The following LAMA2 variants were observed in gnomAD, a reference collection of about 807,000 sequenced individuals.
The protein encoded by LAMA2 is laminin subunit alpha-2.
A neutral mutation model predicts 364.8 loss-of-function variants in LAMA2; 269 were observed. The ratio of observed to expected loss-of-function variants is 0.74; its 90% confidence interval spans 0.67 to 0.82. LAMA2 has a LOEUF of 0.82. LAMA2 is among the 40% of genes least tolerant of loss of function. LAMA2 has a pLI of 0.00. For missense variants in LAMA2, 3,807 were observed against 3,873.2 expected, an observed-to-expected ratio of 0.98 and a Z score of 0.45; for synonymous variants, 1,379 against 1,370.6, an observed-to-expected ratio of 1.01 and a Z score of -0.14.
At chr6:129,031,059 T>A (rs1470704162) in intron 1 of LAMA2, among the ~76,000 whole-genome samples, 2 of 152,174 alleles carry the variant, frequency 1.3e-5, no homozygotes, top group East Asian at 3.8e-4. Flanking sequence ...AAATGCTGAC[T>A]TTTTACTTGA....
intron 1 of LAMA2, among the ~76,000 whole-genome samples, chr6:129,048,540 C>CCTTCCTTCCTTCCTTT (rs1562188047): frequency 4.1e-4 from 22 of 53,980 alleles, no homozygotes; most frequent in African/African-American, 9.5e-4. Context: ...TTCCTTCCTT[C>CCTTCCTTCCTTCCTTT]CTTTCTTTCT....
chr6:129,464,789 G>A (rs376237067), intron 50 of LAMA2, among the ~76,000 whole-genome samples: 21 of 151,990 alleles, frequency 1.4e-4, no homozygotes, highest in African/African-American at 4.3e-4. Flanking sequence ...AGTTGAAAAG[G>A]TGATTATAAG....
At chr6:129,354,837 T>A (rs1171585902) in intron 32 of LAMA2, among the ~76,000 whole-genome samples, 1 of 152,188 alleles carries the variant, frequency 6.6e-6, no homozygotes. Context: ...AATACTTTTT[T>A]AACATTTTGA....
intron 12 of LAMA2, among the ~76,000 whole-genome samples, chr6:129,229,025 G>A (rs1179267888): frequency 6.6e-6 from 1 of 152,116 alleles, no homozygotes. Context: ...CATTGATCCT[G>A]CATATACTTG....
chr6:129,464,238 T>A, intron 49 of LAMA2, 52 bp from the exon 50 acceptor site: 1 of 1,505,874 alleles, frequency 6.6e-7, no homozygotes, highest in Non-Finnish European at 9.2e-7. Flanking sequence ...CATTGAATAA[T>A]GACAGACTGA....
At chr6:128,914,793 A>T (rs545995906) in intron 1 of LAMA2, among the ~76,000 whole-genome samples, 102 of 152,298 alleles carry the variant, frequency 6.7e-4, no homozygotes, top group African/African-American at 2.2e-3. Flanking sequence ...ACTGATAATT[A>T]AACTGGGTTG....
intron 32 of LAMA2, among the ~76,000 whole-genome samples, chr6:129,358,568 G>A (rs1032422277): frequency 2.0e-5 from 3 of 152,024 alleles, no homozygotes; most frequent in Non-Finnish European, 2.9e-5. Context: ...AAAACAGACA[G>A]CATCCTAATG....
intron 1 of LAMA2, among the ~76,000 whole-genome samples, chr6:129,012,078 C>T (rs1204213957): frequency 6.6e-6 from 1 of 152,088 alleles, no homozygotes; most frequent in African/African-American, 2.4e-5. Context: ...ATTTTTTTGT[C>T]ATTTGATGCA....
At chr6:129,322,591 TA>T (rs1775034638) in intron 28 of LAMA2, among the ~76,000 whole-genome samples, 1 of 152,230 alleles carries the variant, frequency 6.6e-6, no homozygotes, top group Non-Finnish European at 1.5e-5. Flanking sequence ...GTTGAAGTTC[TA>T]AAATTCTCTG....
intron 8 of LAMA2, among the ~76,000 whole-genome samples, chr6:129,155,909 A>C (rs1779084174): frequency 6.6e-6 from 1 of 151,980 alleles, no homozygotes; most frequent in African/African-American, 2.4e-5. Flanking sequence ...AAATATTAGG[A>C]TTATTGCTTA....
chr6:129,152,825 G>A (rs1778888065), intron 7 of LAMA2, among the ~76,000 whole-genome samples: 1 of 152,164 alleles, frequency 6.6e-6, no homozygotes, highest in Non-Finnish European at 1.5e-5. Context: ...CTTCATTCAA[G>A]TAGTACCCTG....
chr6:129,107,934 G>C (rs1287497965), intron 4 of LAMA2, among the ~76,000 whole-genome samples: 1 of 152,104 alleles, frequency 6.6e-6, no homozygotes, highest in Non-Finnish European at 1.5e-5. Context: ...AGCAGTTCCT[G>C]CTGAAGCTCT....
chr6:128,923,595 A>T (rs894278877), intron 1 of LAMA2, among the ~76,000 whole-genome samples: 7 of 152,268 alleles, frequency 4.6e-5, no homozygotes, highest in Middle Eastern at 3.4e-3. Context: ...TACAGAAAGG[A>T]TGAAGATATA....
Position 129,287,834 on chromosome 6 carries a change from T to C in LAMA2, c.2538-13T>C, listed in dbSNP as rs762360916. 3 of 1,611,186 alleles carry C rather than the reference T, an allele frequency of 1.9e-6. No homozygotes were observed. Among genetic ancestry groups the C allele is most frequent in the Admixed American group, 1.7e-5 (1 of 59,984 alleles). ...TCCCCCCAAAGGCTCACTGATGAAA[T>C]TTCTTGCCTTAGGTGTGCAGAAGGC... On this transcript the variant is annotated splice_polypyrimidine_tract_variant and intron_variant, in intron 18 of 64. Coordinates refer to ENST00000421865, the MANE Select transcript of LAMA2 (RefSeq NM_000426.4).
Position 128,998,678 on chromosome 6 carries a change from C to T in LAMA2, c.113-51240C>T, listed in dbSNP as rs1306550292. ...TCGGGTCACTCCCACCCGAATATTG[C>T]GCTTTTCAGACCGGCTTAAGAAACG... On this transcript the variant is annotated intron_variant, in intron 1 of 64. Transcript: ENST00000421865. Among the ~76,000 whole-genome samples, 4 of 51,632 alleles carry T rather than the reference C, an allele frequency of 7.7e-5. 1 individual carries two copies. The highest frequency in any genetic ancestry group is 1.8e-4 in the Admixed American group (1 of 5,694). The allele number at this position is 51,632 out of a possible 152,430, so 33.9% of individuals were successfully genotyped here.
At position 129,516,220 on chromosome 6, in the gene LAMA2, G is replaced by C. The variant is rs1241666542; in HGVS notation, c.9242G>C (p.Ser3081Thr). The stretch of plus-strand genomic sequence containing the variant: ...CTCAAGCAGTTTGGCCTAACAACCA[G>C]TATTCCGTTCCGAGGTTGCATCAGA... The part of the protein sequence containing the change: ...DDLKQFGLTT[S>T]IPFRGCIRSL... The change falls in exon 65 of 65, where the codon AGT becomes ACT. Residue 3081 changes from serine (S) to threonine (T), a missense_variant. By Grantham distance (58) the Ser-to-Thr change is moderately conservative. This residue lies in a region of LAMA2 where 3,333 missense variants were observed against 3,345.7 expected (regional missense o/e 1.00). Transcript: ENST00000421865. 1 of 1,614,108 alleles carries C rather than the reference G, an allele frequency of 6.2e-7. No individual in the cohort carries two copies. Among genetic ancestry groups the C allele is most frequent in the Non-Finnish European group, 8.5e-7 (1 of 1,180,010 alleles).
At chr6:129,442,809 T>C in intron 43 of LAMA2, 1 of 503,722 alleles carries the variant, frequency 2.0e-6, no homozygotes. Context: ...TAAATATTAA[T>C]TAAATTGGGT....
chr6:129,256,809 A>G (rs1786725685), intron 14 of LAMA2, among the ~76,000 whole-genome samples: 1 of 122,150 alleles, frequency 8.2e-6, no homozygotes. Context: ...TAGTGGGTAG[A>G]AAAAAGACAA....
chr6:129,404,027 A>T, intron 40 of LAMA2, 68 bp downstream of exon 40: 1 of 1,555,256 alleles, frequency 6.4e-7, no homozygotes, highest in Non-Finnish European at 8.8e-7. Context: ...AATGTAAGTC[A>T]GTCTGGAAAA....
Sources: allele counts gnomAD v4.1 joint callset (sites outside exome capture counted in the v4.1 genomes callset), GRCh38; gene constraint gnomAD v4.1.1; regional missense constraint gnomAD v4.1.1; transcripts MANE v1.5; gene names NCBI Gene and HGNC (gene_info 2026-07-23, HGNC 2026-07-21).